RASGRF1: variants seen among roughly 807,000 people sequenced by gnomAD.
The protein encoded by RASGRF1 is ras-specific guanine nucleotide-releasing factor 1.
A neutral mutation model predicts 138.7 loss-of-function variants in RASGRF1; 40 were observed. The observed-to-expected ratio is 0.29, with a 90% confidence interval of 0.22 to 0.38. The LOEUF (loss-of-function observed/expected upper bound fraction) is 0.38. Among genes scored for constraint, RASGRF1 ranks in the 10% least tolerant of loss-of-function variants. The pLI, the probability that RASGRF1 is intolerant of heterozygous loss-of-function variation, is 1.00. For missense variants in RASGRF1, 1,108 were observed against 1,650.4 expected (o/e 0.67, Z 5.69); for synonymous variants, 614 against 663.2 (o/e 0.93, Z 1.14).
Position 79,032,097 on chromosome 15 carries a change from C to T in RASGRF1, c.1152+26G>A. The stretch of plus-strand genomic sequence containing the variant: ...CCCACACCTGCCTCCCTGACTCTAC[C>T]CCACCCAGGCAGGGCCGGACGCCAC... On this transcript the variant is annotated intron_variant, in intron 7 of 26. Transcript: ENST00000558480. The surrounding 1 kb of genome is among the most constrained non-coding windows in gnomAD (Gnocchi z 4.5). 4.4e-6 allele frequency: 7 copies of T among 1,606,532 alleles called. No homozygotes were observed. Among genetic ancestry groups the T allele is most frequent in the Non-Finnish European group, 6.0e-6 (7 of 1,175,988 alleles).
chr15:79,003,058 C>T (rs1288300861), intron 15 of RASGRF1, among the ~76,000 whole-genome samples: 1 of 152,138 alleles, frequency 6.6e-6, no homozygotes, highest in Admixed American at 6.5e-5. Context: ...CAGGAGAAAC[C>T]CTGAGAGTAG....
At chr15:78,980,753 G>A (rs1397713337) in intron 23 of RASGRF1, 54 bp from the exon 24 acceptor site, 6 of 1,406,980 alleles carry the variant, frequency 4.3e-6, no homozygotes, top group East Asian at 4.7e-5. Flanking sequence ...TGATCCCCGA[G>A]GCCCGGGGAT....
chr15:79,039,513 C>G (rs1019560715), intron 5 of RASGRF1, among the ~76,000 whole-genome samples: 2 of 152,008 alleles, frequency 1.3e-5, no homozygotes, highest in African/African-American at 4.8e-5. Flanking sequence ...TGCATTCATT[C>G]TTCCAATTGA....
chr15:78,966,418 T>G (rs2055646427), intron 26 of RASGRF1, among the ~76,000 whole-genome samples: 2 of 142,670 alleles, frequency 1.4e-5, no homozygotes, highest in South Asian at 4.3e-4. Context: ...TTTATTTTTT[T>G]GTAGAGTTGG....
chr15:79,012,417 G>A, intron 13 of RASGRF1: 1 of 1,156,646 alleles, frequency 8.6e-7, no homozygotes, highest in Non-Finnish European at 1.3e-6. Flanking sequence ...GCACTACACT[G>A]CTTTCTAATA....
chr15:79,074,211 T>G (rs866968104), intron 1 of RASGRF1, among the ~76,000 whole-genome samples: 17 of 152,242 alleles, frequency 1.1e-4, no homozygotes, highest in African/African-American at 2.4e-5. Context: ...TGGCTGGAAT[T>G]TATTTTAAAG....
chr15:79,016,697 G>T (rs2056883460), intron 12 of RASGRF1, among the ~76,000 whole-genome samples: 1 of 152,218 alleles, frequency 6.6e-6, no homozygotes, highest in Admixed American at 6.5e-5. Context: ...ACAGGCACGT[G>T]CCATGCATCA....
intron 12 of RASGRF1, among the ~76,000 whole-genome samples, chr15:79,015,844 G>C (rs1378032695): frequency 6.6e-6 from 1 of 152,218 alleles, no homozygotes; most frequent in Non-Finnish European, 1.5e-5. Context: ...CTGCGCCACT[G>C]CACGAGGGTG....
At chr15:79,064,560 A>C in intron 1 of RASGRF1, 34 bp from the exon 2 acceptor site, 1 of 1,522,216 alleles carries the variant, frequency 6.6e-7, no homozygotes, top group African/African-American at 1.4e-5. Context: ...CAATTACCAG[A>C]GTGTCCATGG....
chr15:79,019,014 G>A (rs1329507978), intron 11 of RASGRF1, among the ~76,000 whole-genome samples: 2 of 152,140 alleles, frequency 1.3e-5, no homozygotes, highest in Non-Finnish European at 2.9e-5. Context: ...GGAAGGGCAT[G>A]AGGGGAGCAG....
chr15:78,981,494 C>T (rs1002137699), intron 23 of RASGRF1: 1 of 152,216 alleles, frequency 6.6e-6, no homozygotes, highest in Non-Finnish European at 1.5e-5. Flanking sequence ...ACCGCGGGAG[C>T]ACAGCGGTAC....
intron 26 of RASGRF1, among the ~76,000 whole-genome samples, chr15:78,969,626 G>A (rs1383985458): frequency 6.6e-6 from 1 of 152,014 alleles, no homozygotes; most frequent in Non-Finnish European, 1.5e-5. Context: ...CTGAGATCGC[G>A]CCATTGCACT....
At chr15:79,041,564 A>G (rs906165960) in intron 5 of RASGRF1, among the ~76,000 whole-genome samples, 1 of 152,188 alleles carries the variant, frequency 6.6e-6, no homozygotes, top group African/African-American at 2.4e-5. Flanking sequence ...CATCCAAGGA[A>G]AGACATGAAC....
chr15:78,971,801 TGGAA>T (rs1282794686), intron 26 of RASGRF1, 61 bp downstream of exon 26: 122 of 1,420,900 alleles, frequency 8.6e-5, no homozygotes, highest in Non-Finnish European at 1.5e-5. Flanking sequence ...GGGGACAGGG[TGGAA>T]GGTGGCCTAG....
chr15:79,079,251 C>T lies in RASGRF1; in HGVS notation c.276+10972G>A, dbSNP rs4778632. Reference sequence around the variant, plus strand: ...GATCTGTGATGACGCCTCAGCCAGCCTGCCCTCCCCTTTTCAACAGCCCCT... The same window carrying T: ...GATCTGTGATGACGCCTCAGCCAGCTTGCCCTCCCCTTTTCAACAGCCCCT... On this transcript the variant is annotated intron_variant, in intron 1 of 26. Transcript: ENST00000558480. Among the ~76,000 whole-genome samples the T allele has an allele frequency of 6.0e-3, 907 of 152,288 alleles. 25 individuals carry two copies. Among genetic ancestry groups the T allele is most frequent in the Non-Finnish European group, 4.4e-3 (298 of 68,030 alleles).
Position 79,075,452 on chromosome 15 carries a change from G to A in RASGRF1, c.277-10926C>T, listed in dbSNP as rs1042243101. ...CCCAGTATGCCTCTCCTGTCCAACT[G>A]GGCTGCAAAATGGCCCCTGCTACCC... is the stretch of plus-strand genomic sequence containing the variant. On this transcript the variant is annotated intron_variant, in intron 1 of 26. Transcript: ENST00000558480. Among the ~76,000 whole-genome samples the A allele has an allele frequency of 3.9e-5, 6 of 152,206 alleles. No individual in the cohort carries two copies. The East Asian group carries it at 7.7e-4, about 20-fold the overall frequency.
At chr15:79,070,706 G>T (rs897580473) in intron 1 of RASGRF1, among the ~76,000 whole-genome samples, 1 of 152,198 alleles carries the variant, frequency 6.6e-6, no homozygotes, top group South Asian at 2.1e-4. Flanking sequence ...GCTGGTGCCT[G>T]CAAGCAAGCA....
At position 79,027,604 on chromosome 15, in the gene RASGRF1, G is replaced by A; in HGVS notation, c.1381+137C>T. ...GCTGTTGCATTCCGCCAGCAGCCTG[G>A]GAATATTCTGCAATCACATTGGCAG... On this transcript the variant is annotated intron_variant, in intron 9 of 26. Coordinates refer to ENST00000558480, the MANE Select transcript of RASGRF1 (RefSeq NM_001145648.3). This position sits in a 1 kb window ranked among gnomAD's most constrained non-coding sequence, Gnocchi z 4.8. 2 of 702,516 alleles carry A rather than the reference G, an allele frequency of 2.8e-6. No homozygotes were observed. The highest frequency in any genetic ancestry group is 3.5e-5 in the South Asian group (2 of 57,080). 43.5% of individuals were successfully genotyped at this position (702,516 alleles called of 1,614,324 possible).
intron 13 of RASGRF1, among the ~76,000 whole-genome samples, chr15:79,009,439 A>G (rs958350498): frequency 1.3e-5 from 2 of 152,202 alleles, no homozygotes; most frequent in African/African-American, 4.8e-5. Context: ...AATGAAGCCA[A>G]GTCATTCCCA....
Sources: allele counts gnomAD v4.1 joint callset (sites outside exome capture counted in the v4.1 genomes callset), GRCh38; gene constraint gnomAD v4.1.1; non-coding constraint Gnocchi (gnomAD v3.1); transcripts MANE v1.5; gene names NCBI Gene and HGNC (gene_info 2026-07-23, HGNC 2026-07-21).